The following CALD1 variants were observed in gnomAD, a reference collection of about 807,000 sequenced individuals.
The protein encoded by CALD1 is caldesmon 1.
A neutral mutation model predicts 99.9 loss-of-function variants in CALD1; 33 were observed. The observed-to-expected ratio is 0.33, with a 90% confidence interval of 0.25 to 0.44. The LOEUF (loss-of-function observed/expected upper bound fraction) is 0.44. Ranked by LOEUF, CALD1 falls within the 20% of genes least tolerant of loss-of-function variation. The pLI, the probability that CALD1 is intolerant of heterozygous loss-of-function variation, is 1.00. For synonymous variants in CALD1, 310 were observed against 325.0 expected (o/e 0.95, Z 0.50); for missense variants, 861 against 962.1 (o/e 0.89, Z 1.39).
chr7:134,918,359 A>G (rs919737576), intron 3 of CALD1, among the ~76,000 whole-genome samples: 5 of 152,252 alleles, frequency 3.3e-5, no homozygotes, highest in Admixed American at 6.5e-5. Context: ...CTTGTGCCTC[A>G]TCTGTTGTTA....
At chr7:134,896,890 A>G (rs569763014) in intron 3 of CALD1, among the ~76,000 whole-genome samples, 1 of 152,348 alleles carries the variant, frequency 6.6e-6, no homozygotes, top group South Asian at 2.1e-4. Context: ...GTTTCCCTAT[A>G]GAAACACAGC....
At chr7:134,905,553 C>G (rs550078681) in intron 3 of CALD1, among the ~76,000 whole-genome samples, 31 of 152,158 alleles carry the variant, frequency 2.0e-4, no homozygotes, top group African/African-American at 7.2e-4. Context: ...AAGTTATTCC[C>G]TGTGTTTTCA....
chr7:134,969,750 T>A lies in CALD1; in HGVS notation c.*1405T>A, dbSNP rs1808918618. 6.6e-6 allele frequency: 1 copy of A among 152,318 alleles called. No homozygotes were observed. The highest frequency in any genetic ancestry group is 2.1e-4 in the South Asian group (1 of 4,838). The allele number at this position is 152,318 out of a possible 1,614,324, so 9.4% of individuals were successfully genotyped here. On this transcript the variant is annotated 3_prime_UTR_variant, in exon 15 of 15. Coordinates refer to ENST00000361675, the MANE Select transcript of CALD1 (RefSeq NM_033138.4). ...CAAGTCTTTTTTAACTCATGATTTT[T>A]ACACACACAATCCAGAACTTATTAT...
intron 1 of CALD1, among the ~76,000 whole-genome samples, chr7:134,833,285 T>C (rs1236672702): frequency 6.6e-6 from 1 of 152,224 alleles, no homozygotes; most frequent in African/African-American, 2.4e-5. Flanking sequence ...CCTTTGGAGA[T>C]AAACATTATG....
chr7:134,819,128 C>T (rs113017297), intron 1 of CALD1, among the ~76,000 whole-genome samples: 39 of 152,174 alleles, frequency 2.6e-4, no homozygotes, highest in African/African-American at 8.4e-4. Flanking sequence ...AAGTAAGAAC[C>T]GTCGTGAGGC....
intron 3 of CALD1, among the ~76,000 whole-genome samples, chr7:134,888,252 T>G (rs1801974118): frequency 6.6e-6 from 1 of 152,202 alleles, no homozygotes; most frequent in South Asian, 2.1e-4. Flanking sequence ...TTTTTCCTAG[T>G]AAGAGTCCTG....
At chr7:134,907,956 T>C (rs1037303382) in intron 3 of CALD1, among the ~76,000 whole-genome samples, 6 of 152,022 alleles carry the variant, frequency 3.9e-5, no homozygotes, top group African/African-American at 1.2e-4. Flanking sequence ...AGGTATCTCA[T>C]TGGTTTGGCT....
chr7:134,959,899 G>A, intron 11 of CALD1, 75 bp from the exon 12 acceptor site: 1 of 1,475,068 alleles, frequency 6.8e-7, no homozygotes, highest in South Asian at 1.3e-5. Flanking sequence ...ATAATGTTGA[G>A]GAAGACAAAC....
At chr7:134,938,229 C>T (rs1022717108) in intron 6 of CALD1, among the ~76,000 whole-genome samples, 1 of 152,140 alleles carries the variant, frequency 6.6e-6, no homozygotes, top group African/African-American at 2.4e-5. Context: ...AAAACCCAGC[C>T]TGAGAAACAG....
chr7:134,747,552 T>C (rs1249805432), intron 1 of CALD1, among the ~76,000 whole-genome samples: 4 of 152,110 alleles, frequency 2.6e-5, no homozygotes, highest in Non-Finnish European at 4.4e-5. Context: ...TGGAGATCAC[T>C]GGGGCTGCCC....
chr7:134,879,015 T>C (rs1014701382), intron 3 of CALD1, among the ~76,000 whole-genome samples: 12 of 152,210 alleles, frequency 7.9e-5, no homozygotes, highest in African/African-American at 2.9e-4. Context: ...AATACTTATA[T>C]TGAACCTCTC....
At chr7:134,870,455 C>A (rs1455374860) in intron 3 of CALD1, among the ~76,000 whole-genome samples, 2 of 152,138 alleles carry the variant, frequency 1.3e-5, no homozygotes, top group African/African-American at 4.8e-5. Context: ...TAAGAATTGA[C>A]CGCACGGCTA....
the CALD1 span, among the ~76,000 whole-genome samples, chr7:134,721,346 A>AG: frequency 1.6e-3 from 230 of 147,712 alleles, no homozygotes; most frequent in African/African-American, 5.5e-3. Flanking sequence ...AAAAAAAAAA[A>AG]GGATGGGGTA....
chr7:134,758,501 G>GGTGTGTGTGTGTGT lies in CALD1; in HGVS notation c.-130+14163_-130+14176dup, dbSNP rs59389296. On this transcript the variant is annotated intron_variant, in intron 1 of 13. Transcript: ENST00000417172. ...TTTAAATATCTGCAGCTCCCATTGGGGTGTGTGTGTGTGTGTGTGTGTGTG... is the reference window on the plus strand; with the variant it reads ...TTTAAATATCTGCAGCTCCCATTGGGGTGTGTGTGTGTGTGTGTGTGTGTGTGTGTGTGTGTGTG... Among the ~76,000 whole-genome samples the GGTGTGTGTGTGTGT allele has an allele frequency of 1.5e-3, 225 of 145,212 alleles. 4 individuals are homozygous for GGTGTGTGTGTGTGT. The East Asian group carries it at 0.032, about 21-fold the overall frequency.
intron 11 of CALD1, among the ~76,000 whole-genome samples, chr7:134,958,872 A>AATATATATAT (rs58837080): frequency 1.4e-3 from 170 of 124,800 alleles, no homozygotes; most frequent in East Asian, 5.4e-3. Flanking sequence ...CTGGTATTTA[A>AATATATATAT]ATATATATAT....
intron 13 of CALD1, among the ~76,000 whole-genome samples, chr7:134,964,786 G>A (rs571711985): frequency 6.6e-6 from 1 of 152,154 alleles, no homozygotes; most frequent in Admixed American, 6.5e-5. Context: ...TTTAAAATGA[G>A]GCTACATTAT....
At chr7:134,770,848 C>T (rs1380054236) in intron 1 of CALD1, among the ~76,000 whole-genome samples, 1 of 152,174 alleles carries the variant, frequency 6.6e-6, no homozygotes, top group Non-Finnish European at 1.5e-5. Context: ...CATGGACAGG[C>T]ACGCCGTCAC....
chr7:134,923,199 G>A (rs1804744704), intron 3 of CALD1, among the ~76,000 whole-genome samples: 1 of 152,144 alleles, frequency 6.6e-6, no homozygotes, highest in South Asian at 2.1e-4. Context: ...GCCAACAGAT[G>A]AGCTAAAAGC....
chr7:134,949,530 G>C (rs143929019), intron 8 of CALD1, among the ~76,000 whole-genome samples: 1 of 152,088 alleles, frequency 6.6e-6, no homozygotes, highest in Non-Finnish European at 1.5e-5. Context: ...GAGCATTTCA[G>C]GTTTGTCAAA....
Sources: allele counts gnomAD v4.1 joint callset (sites outside exome capture counted in the v4.1 genomes callset), GRCh38; gene constraint gnomAD v4.1.1; transcripts MANE v1.5; gene names NCBI Gene and HGNC (gene_info 2026-07-23, HGNC 2026-07-21).